The following CACNA2D1 variants were observed in gnomAD, a reference collection of about 807,000 sequenced individuals.
CACNA2D1 encodes calcium voltage-gated channel auxiliary subunit alpha2delta 1.
A neutral mutation model predicts 171.5 loss-of-function variants in CACNA2D1; 53 were observed. The observed-to-expected ratio is 0.31, with a 90% CI of 0.25 to 0.39. CACNA2D1 has a LOEUF of 0.39. Among genes scored for constraint, CACNA2D1 ranks in the 10% least tolerant of loss-of-function variants. The probability of loss-of-function intolerance (pLI) is 1.00; values close to 1 mark genes in which losing one functional copy is unlikely to be tolerated. For missense variants in CACNA2D1, 903 were observed against 1,299.8 expected (o/e 0.69, Z 4.69); for synonymous variants, 442 against 443.1 (o/e 1.00, Z 0.03).
Position 82,391,682 on chromosome 7 carries a change from C to T in CACNA2D1, c.96-42033G>A, listed in dbSNP as rs114523740. On this transcript the variant is annotated intron_variant, in intron 1 of 38. Coordinates refer to ENST00000356860, the MANE Select transcript of CACNA2D1 (RefSeq NM_000722.4). ...TGTTTGCAGAGGTACAATTGATAGTCCCATGTGACGGAATTTAAAGGGGAC... is the reference window on the plus strand; with the variant it reads ...TGTTTGCAGAGGTACAATTGATAGTTCCATGTGACGGAATTTAAAGGGGAC... Among the ~76,000 whole-genome samples the T allele has an allele frequency of 1.6e-3, 237 of 152,202 alleles. 1 individual carries two copies. The highest frequency in any genetic ancestry group is 5.4e-3 in the African/African-American group (224 of 41,526).
intron 3 of CACNA2D1, among the ~76,000 whole-genome samples, chr7:82,255,867 A>G (rs1181411587): frequency 6.6e-6 from 1 of 152,190 alleles, no homozygotes; most frequent in Non-Finnish European, 1.5e-5. Flanking sequence ...ACATTCAGTC[A>G]AGTTAGTGAA....
At position 82,430,694 on chromosome 7, in the gene CACNA2D1, A is replaced by G. The variant is rs116025621; in HGVS notation, c.95+12671T>C. Among the ~76,000 whole-genome samples the G allele has an allele frequency of 5.3e-3, 803 of 152,306 alleles. 7 individuals carry two copies. The highest frequency in any genetic ancestry group is 0.018 in the African/African-American group (748 of 41,576). On this transcript the variant is annotated intron_variant, in intron 1 of 38. Coordinates refer to ENST00000356860, the MANE Select transcript of CACNA2D1 (RefSeq NM_000722.4). ...AGTGTAACTAACCATCAGCTGGATG[A>G]GTCAAGTAAACGCTGGCCTTTTTCA...
Position 82,305,751 on chromosome 7 carries a change from G to C in CACNA2D1, c.294+29384C>G, listed in dbSNP as rs113977981. ...TTATATGATTTTCTCCTATTAATTT[G>C]CTTTTCGTCAGTTGATTTTCATCAT... is the stretch of plus-strand genomic sequence containing the variant. On this transcript the variant is annotated intron_variant, in intron 3 of 38. Coordinates refer to ENST00000356860, the MANE Select transcript of CACNA2D1 (RefSeq NM_000722.4). Among the ~76,000 whole-genome samples, 161 of 151,980 alleles carry C rather than the reference G, an allele frequency of 1.1e-3. 1 individual carries two copies. The highest frequency in any genetic ancestry group is 3.7e-3 in the African/African-American group (153 of 41,452).
At chr7:81,974,309 C>T (rs1459079170) in intron 25 of CACNA2D1, 146 bp downstream of exon 25, 2 of 520,286 alleles carry the variant, frequency 3.8e-6, no homozygotes, top group Non-Finnish European at 6.9e-6. Flanking sequence ...AATTAAGGAT[C>T]AAATTGTTAC....
At chr7:82,182,628 T>C (rs971991623) in intron 3 of CACNA2D1, among the ~76,000 whole-genome samples, 1 of 151,852 alleles carries the variant, frequency 6.6e-6, no homozygotes, top group East Asian at 1.9e-4. Context: ...AATAATTTAA[T>C]TGGAGATAAG....
At chr7:82,340,266 T>C (rs1210277253) in intron 2 of CACNA2D1, among the ~76,000 whole-genome samples, 1 of 152,132 alleles carries the variant, frequency 6.6e-6, no homozygotes, top group Non-Finnish European at 1.5e-5. Flanking sequence ...ACCAAACTAT[T>C]TTCTAAATAA....
intron 3 of CACNA2D1, among the ~76,000 whole-genome samples, chr7:82,184,082 T>G (rs896788159): frequency 1.3e-5 from 2 of 149,984 alleles, no homozygotes; most frequent in Admixed American, 1.3e-4. Context: ...TAGGATGGTT[T>G]TAAAAAAAAA....
chr7:82,026,038 CT>C (rs1010502581), intron 12 of CACNA2D1, among the ~76,000 whole-genome samples: 3 of 146,274 alleles, frequency 2.1e-5, no homozygotes, highest in Non-Finnish European at 4.5e-5. Flanking sequence ...CCTTCTTTGT[CT>C]CGTGTCAGTT....
intron 1 of CACNA2D1, among the ~76,000 whole-genome samples, chr7:82,376,753 C>T (rs1823058068): frequency 6.6e-6 from 1 of 152,184 alleles, no homozygotes; most frequent in African/African-American, 2.4e-5. Flanking sequence ...TGGCTGTGAA[C>T]AGCATTTCAG....
chr7:82,116,294 T>G (rs988063886), intron 6 of CACNA2D1, among the ~76,000 whole-genome samples: 11 of 150,812 alleles, frequency 7.3e-5, no homozygotes, highest in Admixed American at 6.6e-4. Context: ...AGCTGTCTTT[T>G]GGAAAATTCC....
At chr7:82,354,582 TG>T (rs1211036697) in intron 1 of CACNA2D1, among the ~76,000 whole-genome samples, 3 of 152,126 alleles carry the variant, frequency 2.0e-5, no homozygotes, top group African/African-American at 7.2e-5. Flanking sequence ...TCCTTTGTAA[TG>T]AAGGAGGACC....
chr7:82,397,844 G>A (rs1825907483), intron 1 of CACNA2D1, among the ~76,000 whole-genome samples: 1 of 152,074 alleles, frequency 6.6e-6, no homozygotes, highest in Admixed American at 6.6e-5. Context: ...CATTCACACT[G>A]CTTATTAGAT....
chr7:81,971,305 G>A lies in CACNA2D1; in HGVS notation c.2141+472C>T, dbSNP rs181569587. Among the ~76,000 whole-genome samples the A allele has an allele frequency of 1.3e-3, 197 of 151,672 alleles. No homozygotes were observed. The Middle Eastern group carries it at 0.024, about 18-fold the overall frequency. ...TAAAGGCAGAAAAATCAGTTGCTGT[G>A]ATTTCTTAGAAATGGGATCTTAGGG... On this transcript the variant is annotated intron_variant, in intron 26 of 38. Coordinates refer to ENST00000356860, the MANE Select transcript of CACNA2D1 (RefSeq NM_000722.4).
At chr7:82,292,208 GA>G (rs1353146874) in intron 3 of CACNA2D1, among the ~76,000 whole-genome samples, 2 of 152,044 alleles carry the variant, frequency 1.3e-5, no homozygotes, top group Non-Finnish European at 2.9e-5. Flanking sequence ...TTCTCTAAAG[GA>G]AAACTTAGTC....
At chr7:82,210,666 G>A (rs541400823) in intron 3 of CACNA2D1, among the ~76,000 whole-genome samples, 18 of 152,284 alleles carry the variant, frequency 1.2e-4, no homozygotes, top group African/African-American at 4.1e-4. Context: ...TTCAGCATAA[G>A]TATCAAGGGA....
At chr7:82,171,844 CAG>C (rs751926142) in intron 3 of CACNA2D1, among the ~76,000 whole-genome samples, 3 of 152,060 alleles carry the variant, frequency 2.0e-5, no homozygotes, top group African/African-American at 7.2e-5. Context: ...TTACAAATCT[CAG>C]AGTCATTTAT....
intron 12 of CACNA2D1, among the ~76,000 whole-genome samples, chr7:82,018,404 A>G (rs1800771086): frequency 1.3e-5 from 2 of 152,136 alleles, no homozygotes; most frequent in African/African-American, 4.8e-5. Flanking sequence ...TCATTACAGT[A>G]TGTGGTAAGA....
chr7:82,215,612 A>G (rs994636408), intron 3 of CACNA2D1, among the ~76,000 whole-genome samples: 2 of 152,118 alleles, frequency 1.3e-5, no homozygotes, highest in Non-Finnish European at 2.9e-5. Context: ...TTTTATAACT[A>G]TTTTTTAAAT....
intron 6 of CACNA2D1, among the ~76,000 whole-genome samples, chr7:82,092,193 T>G (rs1811252718): frequency 6.6e-6 from 1 of 152,236 alleles, no homozygotes; most frequent in Non-Finnish European, 1.5e-5. Context: ...GCAATATTCC[T>G]TCTGCTTAAT....
Sources: allele counts gnomAD v4.1 joint callset (sites outside exome capture counted in the v4.1 genomes callset), GRCh38; gene constraint gnomAD v4.1.1; transcripts MANE v1.5; gene names NCBI Gene and HGNC (gene_info 2026-07-23, HGNC 2026-07-21).